CPNE8: variants seen among roughly 807,000 people sequenced by gnomAD.
The protein encoded by CPNE8 is copine 8.
Under a neutral mutation model 81.5 loss-of-function variants are expected in CPNE8, and 45 were observed. The ratio of observed to expected loss-of-function variants is 0.55; its 90% confidence interval spans 0.44 to 0.71. The LOEUF is 0.71. Among genes scored for constraint, CPNE8 ranks in the 30% least tolerant of loss-of-function variants. The probability of loss-of-function intolerance (pLI) is 0.00; values close to 1 mark genes in which losing one functional copy is unlikely to be tolerated. For missense variants in CPNE8, 594 were observed against 672.1 expected (o/e 0.88, Z 1.28); for synonymous variants, 252 against 226.3 (o/e 1.11, Z -1.02).
chr12:38,790,406 A>G (rs778072311), intron 6 of CPNE8, among the ~76,000 whole-genome samples: 1 of 151,658 alleles, frequency 6.6e-6, no homozygotes, highest in Non-Finnish European at 1.5e-5. Flanking sequence ...TTGAGCTCAT[A>G]AGACAGAGAG....
intron 3 of CPNE8, among the ~76,000 whole-genome samples, chr12:38,851,012 A>G (rs1943636904): frequency 6.6e-6 from 1 of 152,244 alleles, no homozygotes; most frequent in Non-Finnish European, 1.5e-5. Context: ...GGCTTCATAC[A>G]GCATTTGGCC....
Position 38,730,354 on chromosome 12 carries a change from C to T in CPNE8, c.727G>A (p.Asp243Asn). The change falls in exon 11 of 20, where the codon GAT becomes AAT. Residue 243 changes from aspartate to asparagine, a missense_variant. Asp to Asn is a conservative substitution (Grantham distance 23). Transcript: ENST00000331366. ...VYDWDRDGSHDFIGEFTTSYR... is the reference protein window; with the variant it reads ...VYDWDRDGSHNFIGEFTTSYR... ...CTTGTTGTAAATTCTCCAATGAAAT[C>T]ATGACTAAAATTAAAGGAAAAAAGT... 6.6e-7 allele frequency: 1 copy of T among 1,507,898 alleles called. No homozygotes were observed. The highest frequency in any genetic ancestry group is 8.9e-7 in the Non-Finnish European group (1 of 1,121,728). 93.4% of individuals were successfully genotyped at this position (1,507,898 alleles called of 1,614,324 possible). A position where few individuals can be genotyped will look rare whatever the true frequency, so the allele number is the denominator to read the frequency against.
intron 3 of CPNE8, 96 bp from the exon 4 acceptor site, chr12:38,848,758 C>A: frequency 2.2e-6 from 3 of 1,358,508 alleles, no homozygotes; most frequent in Non-Finnish European, 2.9e-6. Context: ...AAAAAACAAG[C>A]AATAAATATC....
Position 38,697,242 on chromosome 12 carries a change from C to A in CPNE8, c.962-3404G>T, listed in dbSNP as rs561380815. ...TCTCCATTGATTTGTCTCTTCTTGA[C>A]AGTTCATAAAAACAGAATCACATAA... On this transcript the variant is annotated intron_variant, in intron 14 of 19. Transcript: ENST00000331366. 2.6e-5 allele frequency among the ~76,000 whole-genome samples: 4 copies of A among 152,264 alleles called. No homozygotes were observed. In the South Asian group the frequency reaches 8.3e-4, roughly 32 times the overall value.
chr12:38,795,099 C>T (rs1194420664), intron 6 of CPNE8, among the ~76,000 whole-genome samples: 4 of 152,204 alleles, frequency 2.6e-5, no homozygotes, highest in African/African-American at 9.7e-5. Flanking sequence ...CCTTCAGCCA[C>T]AAACTGAAGC....
At chr12:38,704,824 G>GTGTATATATATGTGTGTATA in intron 13 of CPNE8, among the ~76,000 whole-genome samples, 1 of 16,548 alleles carries the variant, frequency 6.0e-5, no homozygotes, top group Non-Finnish European at 2.1e-4. Flanking sequence ...GTGTATGTAT[G>GTGTATATATATGTGTGTATA]TGTATATATA....
chr12:38,789,234 G>A (rs1235268512), intron 6 of CPNE8, among the ~76,000 whole-genome samples: 1 of 151,858 alleles, frequency 6.6e-6, no homozygotes, highest in East Asian at 1.9e-4. Context: ...AAATAGCATA[G>A]TACTGGCATA....
At chr12:38,752,528 T>C in intron 10 of CPNE8, among the ~76,000 whole-genome samples, 1 of 152,102 alleles carries the variant, frequency 6.6e-6, no homozygotes, top group South Asian at 2.1e-4. Flanking sequence ...CTATTCCCAT[T>C]GTACAGCTCC....
intron 6 of CPNE8, among the ~76,000 whole-genome samples, chr12:38,796,471 A>T (rs533116873): frequency 1.1e-4 from 16 of 152,216 alleles, no homozygotes; most frequent in Non-Finnish European, 2.2e-4. Flanking sequence ...AGCATAGTAT[A>T]TAAAAAATAG....
At chr12:38,744,579 TCTTTAACA>T (rs1300701835) in intron 10 of CPNE8, among the ~76,000 whole-genome samples, 2 of 152,166 alleles carry the variant, frequency 1.3e-5, no homozygotes, top group Non-Finnish European at 2.9e-5. Flanking sequence ...AGATGTCATC[TCTTTAACA>T]CTGGCCCTAC....
chr12:38,828,604 T>A (rs1943236710), intron 6 of CPNE8, among the ~76,000 whole-genome samples: 1 of 152,198 alleles, frequency 6.6e-6, no homozygotes, highest in African/African-American at 2.4e-5. Context: ...TATTTATTTT[T>A]TGAGTTTGAG....
At chr12:38,881,370 A>G (rs1410927097) in intron 1 of CPNE8, among the ~76,000 whole-genome samples, 1 of 152,232 alleles carries the variant, frequency 6.6e-6, no homozygotes, top group Non-Finnish European at 1.5e-5. Flanking sequence ...TGACTTTCAG[A>G]TTTGAAGCTG....
chr12:38,881,211 A>G (rs1944152752), intron 1 of CPNE8, among the ~76,000 whole-genome samples: 1 of 4,006 alleles, frequency 2.5e-4, no homozygotes. Flanking sequence ...TTCCGTCTCA[A>G]AAAAAAAAAA....
intron 19 of CPNE8, among the ~76,000 whole-genome samples, 200 bp from the exon 20 acceptor site, chr12:38,654,270 CT>C (rs991001509): frequency 6.6e-6 from 1 of 151,948 alleles, no homozygotes; most frequent in South Asian, 2.1e-4. Flanking sequence ...AATCCCAGCA[CT>C]TTGGGAGGCT....
chr12:38,711,617 C>A (rs532809628), intron 13 of CPNE8, among the ~76,000 whole-genome samples: 1 of 151,902 alleles, frequency 6.6e-6, no homozygotes, highest in African/African-American at 2.4e-5. Context: ...TACAGGCATG[C>A]GCCACCACGC....
chr12:38,666,660 GATAAAGTA>G (rs1939062132), intron 19 of CPNE8, among the ~76,000 whole-genome samples: 4 of 152,162 alleles, frequency 2.6e-5, no homozygotes, highest in Admixed American at 6.6e-5. Context: ...AGTTTATTAA[GATAAAGTA>G]CAGTGTGTTT....
chr12:38,682,890 G>A (rs184781182), intron 16 of CPNE8, among the ~76,000 whole-genome samples: 59 of 152,262 alleles, frequency 3.9e-4, no homozygotes, highest in African/African-American at 1.2e-3. Context: ...AAGCTAAACC[G>A]TCTGCACTTA....
rs979084290 is a variant in CPNE8 at position 38,653,934 on chromosome 12, G to A, written c.1643C>T (p.Pro548Leu). 2 of 1,613,536 alleles carry A rather than the reference G, an allele frequency of 1.2e-6. No homozygotes were observed. Among genetic ancestry groups the A allele is most frequent in the Non-Finnish European group, 1.7e-6 (2 of 1,179,958 alleles). ...YMRARGIKPS[P>L]APPPYTPPTH... is the part of the protein sequence containing the mutation. ...AGGTGGGGTGTATGGGGGAGGCGCAGGTGATGGCTTGATTCCTCGGGCTCT... is the reference window on the plus strand; with the variant it reads ...AGGTGGGGTGTATGGGGGAGGCGCAAGTGATGGCTTGATTCCTCGGGCTCT... Residue 548 changes from proline to leucine, a missense_variant, in exon 20 of 20, where the codon CCT (proline) becomes CTT (leucine). Physicochemically the swap from Pro to Leu is moderately conservative, Grantham distance 98. Transcript: ENST00000331366.
chr12:38,748,565 A>T (rs1941288402), intron 10 of CPNE8, among the ~76,000 whole-genome samples: 1 of 151,732 alleles, frequency 6.6e-6, no homozygotes, highest in South Asian at 2.1e-4. Context: ...CAGTGGCGTG[A>T]TCGCAGCTCA....
Sources: allele counts gnomAD v4.1 joint callset (sites outside exome capture counted in the v4.1 genomes callset), GRCh38; gene constraint gnomAD v4.1.1; transcripts MANE v1.5; gene names NCBI Gene and HGNC (gene_info 2026-07-23, HGNC 2026-07-21).